The following PXDNL variants were observed in gnomAD, a reference collection of about 807,000 sequenced individuals.
The protein encoded by PXDNL is peroxidasin like.
In PXDNL, 145 loss-of-function variants were observed where a neutral mutation model predicts 150.8. That is an observed-to-expected ratio of 0.96 (90% CI 0.84 to 1.10). The LOEUF is 1.10. Among genes scored for constraint, PXDNL ranks in the 50% least tolerant of loss-of-function variants. The probability of loss-of-function intolerance (pLI) is 0.00; values close to 1 mark genes in which losing one functional copy is unlikely to be tolerated. For synonymous variants in PXDNL, 757 were observed against 725.7 expected (o/e 1.04, Z -0.69); for missense variants, 2,087 against 1,873.9 (o/e 1.11, Z -2.10).
chr8:51,614,533 T>C (rs910672185), intron 2 of PXDNL, among the ~76,000 whole-genome samples: 7 of 152,212 alleles, frequency 4.6e-5, no homozygotes, highest in African/African-American at 1.7e-4. Context: ...ACTCTGAACC[T>C]ATTCTGGTTG....
intron 1 of PXDNL, among the ~76,000 whole-genome samples, chr8:51,717,943 T>A (rs1240074092): frequency 1.7e-4 from 26 of 152,154 alleles, no homozygotes; most frequent in Non-Finnish European, 3.8e-4. Context: ...AAAAGCAAAG[T>A]GAGAGTCATG....
At chr8:51,802,744 G>C (rs551616226) in intron 1 of PXDNL, among the ~76,000 whole-genome samples, 2 of 152,208 alleles carry the variant, frequency 1.3e-5, no homozygotes, top group African/African-American at 4.8e-5. Context: ...ATAATAGCAA[G>C]AACAAGGGCT....
At chr8:51,723,119 G>A (rs1317774) in intron 1 of PXDNL, among the ~76,000 whole-genome samples, 100,887 of 151,630 alleles carry the variant, frequency 0.67, 35,037 homozygotes, top group East Asian at 0.81. Context: ...ACACAAGATA[G>A]AGCTATATTA....
At chr8:51,607,167 C>T (rs1813853924) in intron 2 of PXDNL, among the ~76,000 whole-genome samples, 1 of 152,156 alleles carries the variant, frequency 6.6e-6, no homozygotes, top group South Asian at 2.1e-4. Flanking sequence ...TCCATGATCC[C>T]ACAGACTGAT....
At chr8:51,731,796 A>C (rs1816938690) in intron 1 of PXDNL, among the ~76,000 whole-genome samples, 1 of 152,202 alleles carries the variant, frequency 6.6e-6, no homozygotes, top group South Asian at 2.1e-4. Flanking sequence ...GCACCCTCTG[A>C]AGCAATGACC....
At chr8:51,411,435 T>A (rs1292580775) in intron 15 of PXDNL, 28 bp from the exon 16 acceptor site, 1 of 1,546,728 alleles carries the variant, frequency 6.5e-7, no homozygotes, top group Non-Finnish European at 8.7e-7. Flanking sequence ...CATGATTCTT[T>A]ACAAGGCAAA....
At chr8:51,538,183 T>C (rs2130468850) in intron 4 of PXDNL, among the ~76,000 whole-genome samples, 1 of 152,326 alleles carries the variant, frequency 6.6e-6, no homozygotes, top group Non-Finnish European at 1.5e-5. Context: ...ACACCAGTGA[T>C]TCTACCCAAG....
intron 1 of PXDNL, among the ~76,000 whole-genome samples, chr8:51,712,583 G>A (rs182703411): frequency 1.3e-5 from 2 of 152,294 alleles, no homozygotes; most frequent in East Asian, 3.9e-4. Context: ...TGTTGAATAA[G>A]TATTTGGACA....
chr8:51,334,122 C>CAAAACT (rs879920831), intron 21 of PXDNL, among the ~76,000 whole-genome samples: 32,978 of 151,012 alleles, frequency 0.22, 3,781 homozygotes, highest in Middle Eastern at 0.3. Context: ...CAAGCATTCT[C>CAAAACT]GCAGACCACA....
intron 1 of PXDNL, among the ~76,000 whole-genome samples, chr8:51,765,065 T>C (rs2037212693): frequency 6.6e-6 from 1 of 152,214 alleles, no homozygotes; most frequent in South Asian, 2.1e-4. Context: ...AAATTTGTCT[T>C]CAATTGTATG....
At chr8:51,465,459 G>T (rs918709570) in intron 8 of PXDNL, among the ~76,000 whole-genome samples, 3 of 151,940 alleles carry the variant, frequency 2.0e-5, no homozygotes, top group Admixed American at 2.0e-4. Context: ...TACTGAATGG[G>T]CAAAAGCTGG....
intron 2 of PXDNL, among the ~76,000 whole-genome samples, chr8:51,615,998 C>T: frequency 6.6e-6 from 1 of 152,144 alleles, no homozygotes; most frequent in Non-Finnish European, 1.5e-5. Flanking sequence ...TGCCCAGTGA[C>T]TGCCTTTCTC....
intron 8 of PXDNL, among the ~76,000 whole-genome samples, chr8:51,464,298 A>G (rs1810154198): frequency 1.6e-5 from 1 of 62,372 alleles, no homozygotes; most frequent in South Asian, 5.8e-4. Context: ...CGGGAGGTCA[A>G]GGCTGCAGTA....
intron 3 of PXDNL, among the ~76,000 whole-genome samples, chr8:51,585,529 A>G (rs1298056539): frequency 1.3e-5 from 2 of 152,172 alleles, no homozygotes; most frequent in Non-Finnish European, 2.9e-5. Context: ...CTCATGAAAC[A>G]TAATTAAACA....
intron 7 of PXDNL, among the ~76,000 whole-genome samples, chr8:51,472,554 C>A (rs765395036): frequency 2.0e-5 from 3 of 152,106 alleles, no homozygotes; most frequent in Non-Finnish European, 4.4e-5. Context: ...TTTTCCTGTG[C>A]TTTTATTTCT....
At chr8:51,654,015 G>A (rs1815097822) in intron 2 of PXDNL, among the ~76,000 whole-genome samples, 1 of 152,132 alleles carries the variant, frequency 6.6e-6, no homozygotes, top group African/African-American at 2.4e-5. Flanking sequence ...TATTACAGTT[G>A]GGTGTTGGCT....
chr8:51,658,332 A>G (rs1385713320), intron 1 of PXDNL, among the ~76,000 whole-genome samples: 2 of 141,028 alleles, frequency 1.4e-5, no homozygotes, highest in Non-Finnish European at 3.0e-5. Context: ...ACAGAGTAAG[A>G]CCCTGTCTCA....
chr8:51,636,400 T>A (rs1814603445), intron 2 of PXDNL, among the ~76,000 whole-genome samples: 1 of 152,042 alleles, frequency 6.6e-6, no homozygotes, highest in Non-Finnish European at 1.5e-5. Flanking sequence ...AAATAAGAAG[T>A]AAAACTATCT....
chr8:51,641,884 C>G (rs1185346779), intron 2 of PXDNL, among the ~76,000 whole-genome samples: 2 of 152,100 alleles, frequency 1.3e-5, no homozygotes, highest in Non-Finnish European at 2.9e-5. Flanking sequence ...ATAAATCATG[C>G]TGCTATAAAG....
Sources: allele counts gnomAD v4.1 joint callset (sites outside exome capture counted in the v4.1 genomes callset), GRCh38; gene constraint gnomAD v4.1.1; transcripts MANE v1.5; gene names NCBI Gene and HGNC (gene_info 2026-07-23, HGNC 2026-07-21).